The following CTNNA2 variants were observed in gnomAD, a reference collection of about 807,000 sequenced individuals.
CTNNA2 encodes catenin alpha-2.
A neutral mutation model predicts 101.0 loss-of-function variants in CTNNA2; 42 were observed. That is an observed-to-expected ratio of 0.42 (90% CI 0.32 to 0.54). The LOEUF is 0.54. Ranked by LOEUF, CTNNA2 falls within the 20% of genes least tolerant of loss-of-function variation. CTNNA2 has a pLI of 0.14. For missense variants in CTNNA2, 871 were observed against 1,223.1 expected (o/e 0.71, Z 4.29); for synonymous variants, 450 against 456.4 (o/e 0.99, Z 0.18).
chr2:79,818,443 G>A (rs1677708061), intron 3 of CTNNA2, among the ~76,000 whole-genome samples: 1 of 151,912 alleles, frequency 6.6e-6, no homozygotes, highest in Non-Finnish European at 1.5e-5. Context: ...CTCCTGAGTA[G>A]CTGGGATTAC....
intron 7 of CTNNA2, among the ~76,000 whole-genome samples, chr2:80,286,252 A>G (rs1032973517): frequency 5.9e-5 from 9 of 152,028 alleles, no homozygotes; most frequent in African/African-American, 2.2e-4. Context: ...CCATTCCCCT[A>G]TGGAGTCTGC....
At chr2:80,525,860 AAAC>A (rs1226841129) in intron 9 of CTNNA2, among the ~76,000 whole-genome samples, 2 of 152,180 alleles carry the variant, frequency 1.3e-5, no homozygotes, top group East Asian at 3.9e-4. Context: ...TGGGACCTGC[AAAC>A]AGACTCCAGG....
intron 2 of CTNNA2, among the ~76,000 whole-genome samples, chr2:79,225,468 A>C (rs1029132804): frequency 2.0e-5 from 3 of 152,158 alleles, no homozygotes; most frequent in Admixed American, 1.3e-4. Context: ...TCTCATCTGT[A>C]GAATTACTAG....
chr2:80,371,050 A>G (rs1360859077), intron 7 of CTNNA2, among the ~76,000 whole-genome samples: 1 of 142,160 alleles, frequency 7.0e-6, no homozygotes, highest in East Asian at 2.3e-4. Flanking sequence ...TCTTTTCTGT[A>G]TCCCTATATC....
rs143233436 is a variant in CTNNA2, at chr2:80,061,036, C to T, written c.1056+151239C>T. Among the ~76,000 whole-genome samples, 10 of 152,272 alleles carry T rather than the reference C, an allele frequency of 6.6e-5. 2 individuals carry two copies. In the East Asian group the frequency reaches 1.9e-3, roughly 30 times the overall value. ...CAACTGCACCACATCCTAAGCTCTC[C>T]CTCTGCCCAACCCTGCCTGTCTTGC... On this transcript the variant is annotated intron_variant, in intron 7 of 18. Coordinates refer to ENST00000402739, the MANE Select transcript of CTNNA2 (RefSeq NM_001282597.3).
chr2:80,185,091 C>CA (rs1706033777), intron 7 of CTNNA2, among the ~76,000 whole-genome samples: 1 of 152,184 alleles, frequency 6.6e-6, no homozygotes, highest in African/African-American at 2.4e-5. Context: ...CTGCATCTCT[C>CA]ATGTAAGGTG....
chr2:79,492,232 T>C (rs889079010), intron 4 of CTNNA2, among the ~76,000 whole-genome samples: 11 of 152,046 alleles, frequency 7.2e-5, no homozygotes, highest in Non-Finnish European at 1.5e-4. Flanking sequence ...TGAACTCTAA[T>C]TTTAGAATTT....
At chr2:79,892,749 A>C (rs2104219451) in intron 6 of CTNNA2, among the ~76,000 whole-genome samples, 1 of 152,302 alleles carries the variant, frequency 6.6e-6, no homozygotes, top group Admixed American at 6.5e-5. Context: ...AAAACTTCAA[A>C]ATTGAGAAAG....
At chr2:79,524,692 T>A (rs1672304333) in intron 1 of CTNNA2, 1 of 152,010 alleles carries the variant, frequency 6.6e-6, no homozygotes, top group African/African-American at 2.4e-5. Flanking sequence ...AGATTGGAAA[T>A]ACACTGTCTA....
intron 3 of CTNNA2, among the ~76,000 whole-genome samples, chr2:79,857,379 T>G (rs984824712): frequency 6.6e-6 from 1 of 152,248 alleles, no homozygotes; most frequent in Non-Finnish European, 1.5e-5. Context: ...TGGGTATTCT[T>G]AGTCAACTTT....
At position 79,865,008 on chromosome 2, in the gene CTNNA2, A is replaced by AT. The variant is rs917236480; in HGVS notation, c.466-4799dup. The stretch of plus-strand genomic sequence containing the variant: ...AGAAGAACTCAATGACACTGGTGTC[A>AT]TTTTTTTTTGTACAAACTGAAAATA... On this transcript the variant is annotated intron_variant, in intron 4 of 18. Coordinates refer to ENST00000402739, the MANE Select transcript of CTNNA2 (RefSeq NM_001282597.3). Among the ~76,000 whole-genome samples the AT allele has an allele frequency of 2.3e-3, 346 of 151,558 alleles. 3 individuals are homozygous for AT. Among genetic ancestry groups the AT allele is most frequent in the African/African-American group, 7.1e-3 (294 of 41,352 alleles).
intron 4 of CTNNA2, among the ~76,000 whole-genome samples, chr2:79,862,158 A>C (rs1163085818): frequency 6.6e-6 from 1 of 152,240 alleles, no homozygotes; most frequent in Non-Finnish European, 1.5e-5. Context: ...TCACCTTTCT[A>C]TCCTCAGGCT....
intron 3 of CTNNA2, among the ~76,000 whole-genome samples, chr2:79,783,276 T>C (rs1674593498): frequency 6.6e-6 from 1 of 152,156 alleles, no homozygotes; most frequent in Admixed American, 6.6e-5. Context: ...TTTGGTCACA[T>C]GACCTTTGTG....
chr2:79,814,257 T>G (rs1677286982), intron 3 of CTNNA2, among the ~76,000 whole-genome samples: 2 of 152,138 alleles, frequency 1.3e-5, no homozygotes, highest in Admixed American at 1.3e-4. Context: ...TTTTTGTAGG[T>G]TATTGGGGTA....
chr2:79,981,196 G>A (rs112904123), intron 7 of CTNNA2, among the ~76,000 whole-genome samples: 4 of 152,114 alleles, frequency 2.6e-5, no homozygotes, highest in African/African-American at 9.6e-5. Flanking sequence ...AGTAAACAGA[G>A]GGGAAAAAAC....
intron 7 of CTNNA2, among the ~76,000 whole-genome samples, chr2:79,952,015 C>T (rs1029278177): frequency 6.6e-6 from 1 of 152,172 alleles, no homozygotes; most frequent in Non-Finnish European, 1.5e-5. Flanking sequence ...ACAGCTGTGC[C>T]TTCTCCCTGG....
intron 2 of CTNNA2, among the ~76,000 whole-genome samples, chr2:79,719,774 T>TA (rs764641896): frequency 1.8e-4 from 28 of 152,154 alleles, no homozygotes; most frequent in Non-Finnish European, 3.1e-4. Context: ...TTAACTTCCT[T>TA]ATGTATTCTG....
In CTNNA2 at chr2:80,121,843, C is replaced by T. The variant is rs538996213; in HGVS notation, c.1056+212046C>T. Among the ~76,000 whole-genome samples the T allele has an allele frequency of 4.6e-5, 7 of 152,218 alleles. No individual in the cohort carries two copies. The South Asian group carries it at 8.3e-4, about 18-fold the overall frequency. On this transcript the variant is annotated intron_variant, in intron 7 of 18. Coordinates refer to ENST00000402739, the MANE Select transcript of CTNNA2 (RefSeq NM_001282597.3). ...AACCTGGTCCGATGGGAAATAAAAA[C>T]GCTTGGCTGCTGACCTAGAGGAGCC... is the stretch of plus-strand genomic sequence containing the variant.
At chr2:80,481,949 G>A (rs943774104) in intron 9 of CTNNA2, among the ~76,000 whole-genome samples, 1 of 152,020 alleles carries the variant, frequency 6.6e-6, no homozygotes. Flanking sequence ...ATCTGATGGA[G>A]AACCAAGTTT....
Sources: allele counts gnomAD v4.1 joint callset (sites outside exome capture counted in the v4.1 genomes callset), GRCh38; gene constraint gnomAD v4.1.1; transcripts MANE v1.5; gene names NCBI Gene and HGNC (gene_info 2026-07-23, HGNC 2026-07-21).